The following TASP1 variants were observed in gnomAD, a reference collection of about 807,000 sequenced individuals.
The protein encoded by TASP1 is taspase 1.
Under a neutral mutation model 56.6 loss-of-function variants are expected in TASP1, and 16 were observed. The observed-to-expected ratio is 0.28, with a 90% CI of 0.19 to 0.43. The LOEUF (loss-of-function observed/expected upper bound fraction) is 0.43. TASP1 is among the 20% of genes least tolerant of loss of function. The pLI is 1.00. For missense variants in TASP1, 393 were observed against 511.6 expected, an observed-to-expected ratio of 0.77 and a Z score of 2.24; for synonymous variants, 179 against 184.2, an observed-to-expected ratio of 0.97 and a Z score of 0.23.
At chr20:13,487,510 G>A (rs552538397) in intron 10 of TASP1, among the ~76,000 whole-genome samples, 3 of 152,092 alleles carry the variant, frequency 2.0e-5, no homozygotes, top group Admixed American at 2.0e-4. Flanking sequence ...CTACGGCCAG[G>A]TCATCTCACA....
chr20:13,586,978 A>C (rs961211129), intron 5 of TASP1, among the ~76,000 whole-genome samples: 1 of 152,106 alleles, frequency 6.6e-6, no homozygotes, highest in African/African-American at 2.4e-5. Flanking sequence ...TACAACAAAA[A>C]ATATAGTGTG....
the TASP1 span, among the ~76,000 whole-genome samples, chr20:13,286,688 T>C: frequency 6.6e-5 from 10 of 152,156 alleles, no homozygotes; most frequent in African/African-American, 1.7e-4. Flanking sequence ...TTCCACTTAG[T>C]GGACTGAGGA....
chr20:13,555,492 T>C (rs1011181945), intron 8 of TASP1, among the ~76,000 whole-genome samples: 2 of 152,062 alleles, frequency 1.3e-5, no homozygotes, highest in Non-Finnish European at 2.9e-5. Flanking sequence ...TTTTTATTTA[T>C]CCACAAGCAG....
chr20:13,246,957 C>G, the TASP1 span, among the ~76,000 whole-genome samples: 1 of 151,820 alleles, frequency 6.6e-6, no homozygotes, highest in Admixed American at 6.6e-5. Flanking sequence ...TGTATAGTGC[C>G]GGGCCCAGTG....
chr20:13,224,133 C>A, the TASP1 span, among the ~76,000 whole-genome samples: 6 of 152,142 alleles, frequency 3.9e-5, no homozygotes, highest in African/African-American at 1.4e-4. Context: ...TGCTAATCCA[C>A]CAGCTTCAGC....
At chr20:13,406,795 T>C (rs1175810812) in intron 13 of TASP1, among the ~76,000 whole-genome samples, 3 of 151,448 alleles carry the variant, frequency 2.0e-5, no homozygotes, top group African/African-American at 7.3e-5. Flanking sequence ...GCCTCCCGAG[T>C]AGCTGGGACT....
chr20:13,444,387 A>G (rs1292421788), intron 11 of TASP1, among the ~76,000 whole-genome samples: 1 of 152,134 alleles, frequency 6.6e-6, no homozygotes, highest in Non-Finnish European at 1.5e-5. Context: ...TATGCGCCAA[A>G]TCACTTGAAT....
the TASP1 span, among the ~76,000 whole-genome samples, chr20:13,210,616 CGTGTGT>C: frequency 0.024 from 3,564 of 147,482 alleles, 59 homozygotes; most frequent in Non-Finnish European, 0.031. Flanking sequence ...CATGTGCACA[CGTGTGT>C]GTGTGTGTGT....
At chr20:13,632,571 C>CT (rs2049139216) in intron 1 of TASP1, among the ~76,000 whole-genome samples, 1 of 152,074 alleles carries the variant, frequency 6.6e-6, no homozygotes, top group Non-Finnish European at 1.5e-5. Flanking sequence ...CCCTCAGAGA[C>CT]TATCTGAAAT....
At chr20:13,245,829 A>G in the TASP1 span, among the ~76,000 whole-genome samples, 4 of 152,206 alleles carry the variant, frequency 2.6e-5, no homozygotes, top group Admixed American at 6.5e-5. Flanking sequence ...GAGGAACTCC[A>G]TATCTGGAAC....
intron 11 of TASP1, among the ~76,000 whole-genome samples, chr20:13,476,511 G>A (rs2042955315): frequency 6.6e-6 from 1 of 152,092 alleles, no homozygotes; most frequent in Admixed American, 6.6e-5. Context: ...TATATTTCCT[G>A]AACTTTAGTA....
chr20:13,419,142 T>A (rs2042355963), intron 12 of TASP1, among the ~76,000 whole-genome samples: 1 of 152,228 alleles, frequency 6.6e-6, no homozygotes, highest in Non-Finnish European at 1.5e-5. Flanking sequence ...GTACTGTGAT[T>A]ATTTAGTAGA....
At chr20:13,393,412 A>T in intron 13 of TASP1, 1 of 757,860 alleles carries the variant, frequency 1.3e-6, no homozygotes, top group African/African-American at 1.7e-5. Context: ...GACCTGACCT[A>T]CCGTCTGGAG....
the TASP1 span, among the ~76,000 whole-genome samples, chr20:13,123,261 A>G: frequency 6.6e-6 from 1 of 151,772 alleles, no homozygotes; most frequent in Non-Finnish European, 1.5e-5. Flanking sequence ...AGCCCAGGAG[A>G]CGAAGGTTGC....
chr20:13,140,600 G>C, the TASP1 span, among the ~76,000 whole-genome samples: 1 of 151,934 alleles, frequency 6.6e-6, no homozygotes, highest in African/African-American at 2.4e-5. Context: ...GTCTAGATGG[G>C]CAAGTTCACA....
the TASP1 span, among the ~76,000 whole-genome samples, chr20:13,112,094 A>G: frequency 6.6e-6 from 1 of 152,226 alleles, no homozygotes; most frequent in Non-Finnish European, 1.5e-5. Context: ...CACCCAAAGC[A>G]TAATGGCTTA....
intron 7 of TASP1, among the ~76,000 whole-genome samples, chr20:13,564,706 C>T (rs1225764781): frequency 6.6e-6 from 1 of 151,816 alleles, no homozygotes; most frequent in Non-Finnish European, 1.5e-5. Context: ...CTACAGCAAT[C>T]AAAACAGTAT....
chr20:13,329,434 C>T, the TASP1 span, among the ~76,000 whole-genome samples: 208 of 152,292 alleles, frequency 1.4e-3, 1 homozygote, highest in East Asian at 0.01. Context: ...CCACTAAAAC[C>T]TTGATCTCAC....
the TASP1 span, among the ~76,000 whole-genome samples, chr20:13,201,275 T>C: frequency 6.6e-6 from 1 of 152,040 alleles, no homozygotes; most frequent in African/African-American, 2.4e-5. Flanking sequence ...GAAGGAGCCC[T>C]GGAAAAGAGA....
Sources: allele counts gnomAD v4.1 joint callset (sites outside exome capture counted in the v4.1 genomes callset), GRCh38; gene constraint gnomAD v4.1.1; transcripts MANE v1.5; gene names NCBI Gene and HGNC (gene_info 2026-07-23, HGNC 2026-07-21).